ROBO1: variants seen among roughly 807,000 people sequenced by gnomAD.
The protein encoded by ROBO1 is roundabout homolog 1.
A neutral mutation model predicts 195.9 loss-of-function variants in ROBO1; 149 were observed. The observed-to-expected ratio is 0.76, with a 90% confidence interval of 0.67 to 0.87. The LOEUF (loss-of-function observed/expected upper bound fraction) is 0.87, where lower values mean the gene tolerates loss of function less well. ROBO1 is among the 40% of genes least tolerant of loss of function. The probability of loss-of-function intolerance (pLI) is 0.00; values close to 1 mark genes in which losing one functional copy is unlikely to be tolerated. For synonymous variants in ROBO1, 816 were observed against 733.2 expected, an observed-to-expected ratio of 1.11 and a Z score of -1.82; for missense variants, 1,933 against 2,068.3, an observed-to-expected ratio of 0.93 and a Z score of 1.27.
rs72333613 is a variant in ROBO1 at position 78,853,463 on chromosome 3, G to GTT, written c.499+85137_499+85138insAA. On this transcript the variant is annotated intron_variant, in intron 4 of 30. Coordinates refer to ENST00000464233, the MANE Select transcript of ROBO1 (RefSeq NM_002941.4). The stretch of plus-strand genomic sequence containing the variant: ...TTCATATATAGTATGTATGTGTGGG[G>GTT]TGTGTGTGTGTGTATGTATGTATGT... 4.4e-4 allele frequency among the ~76,000 whole-genome samples: 7 copies of GTT among 15,800 alleles called. 1 individual carries two copies. In the East Asian group the frequency reaches 8.2e-3, roughly 18 times the overall value. 10.4% of individuals were successfully genotyped at this position (15,800 alleles called of 152,430 possible). A position where few individuals can be genotyped will look rare whatever the true frequency, so the allele number is the denominator to read the frequency against.
chr3:79,678,128 A>T (rs3923148), intron 1 of ROBO1, among the ~76,000 whole-genome samples: 91,976 of 151,814 alleles, frequency 0.61, 28,057 homozygotes, highest in South Asian at 0.69. Context: ...GATCCTGGTT[A>T]AAAAATCTGG....
chr3:79,244,620 C>T (rs943493131), intron 2 of ROBO1, among the ~76,000 whole-genome samples: 5 of 151,914 alleles, frequency 3.3e-5, no homozygotes, highest in Admixed American at 2.0e-4. Flanking sequence ...CACCCACAGG[C>T]GGTACACCTG....
chr3:79,518,740 G>A (rs1427588805), intron 2 of ROBO1, among the ~76,000 whole-genome samples: 2 of 151,814 alleles, frequency 1.3e-5, no homozygotes, highest in African/African-American at 4.8e-5. Flanking sequence ...GAGTGCAATG[G>A]TGCGATCTCG....
chr3:79,220,424 TAAAC>T (rs1447440822), intron 2 of ROBO1, among the ~76,000 whole-genome samples: 1 of 152,070 alleles, frequency 6.6e-6, no homozygotes, highest in Non-Finnish European at 1.5e-5. Flanking sequence ...GTGTAATAAA[TAAAC>T]AAAAAATCAA....
intron 3 of ROBO1, among the ~76,000 whole-genome samples, chr3:79,121,806 T>A (rs2080121617): frequency 6.6e-6 from 1 of 151,974 alleles, no homozygotes; most frequent in African/African-American, 2.4e-5. Context: ...TTTTTGTTAC[T>A]CAGAAAAAGG....
At chr3:79,537,739 A>T (rs1032304974) in intron 2 of ROBO1, among the ~76,000 whole-genome samples, 1 of 151,244 alleles carries the variant, frequency 6.6e-6, no homozygotes, top group Non-Finnish European at 1.5e-5. Context: ...CTGTTGGGGG[A>T]GTGGGGAGAG....
intron 10 of ROBO1, among the ~76,000 whole-genome samples, chr3:78,673,001 C>T (rs1387058453): frequency 6.6e-6 from 1 of 152,156 alleles, no homozygotes; most frequent in Non-Finnish European, 1.5e-5. Flanking sequence ...CACCAAGTGA[C>T]TACTGAACAT....
intron 3 of ROBO1, among the ~76,000 whole-genome samples, chr3:78,982,681 T>C (rs929008693): frequency 1.3e-5 from 2 of 151,978 alleles, no homozygotes; most frequent in Admixed American, 6.6e-5. Context: ...CAGGCTGGAG[T>C]GTAGTGGCGT....
intron 2 of ROBO1, among the ~76,000 whole-genome samples, chr3:79,571,384 A>T (rs529175300): frequency 5.9e-4 from 90 of 152,250 alleles, no homozygotes; most frequent in African/African-American, 2.0e-3. Context: ...AAATATTGTA[A>T]TTCTTCAATA....
intron 2 of ROBO1, among the ~76,000 whole-genome samples, chr3:79,186,342 C>T (rs565287528): frequency 6.7e-6 from 1 of 149,440 alleles, no homozygotes; most frequent in East Asian, 1.9e-4. Context: ...TATTTATAAA[C>T]ACACGTGTTT....
chr3:79,490,622 C>T (rs1939401217), intron 2 of ROBO1, among the ~76,000 whole-genome samples: 1 of 152,148 alleles, frequency 6.6e-6, no homozygotes, highest in Non-Finnish European at 1.5e-5. Context: ...TCAAGTCTGA[C>T]CATAGGCAAT....
intron 2 of ROBO1, among the ~76,000 whole-genome samples, chr3:79,518,385 T>C (rs947765571): frequency 2.6e-4 from 39 of 152,054 alleles, no homozygotes; most frequent in African/African-American, 8.7e-4. Flanking sequence ...AGAGATGCAA[T>C]GGCACATGCT....
chr3:79,448,201 A>C (rs2039329085), intron 2 of ROBO1, among the ~76,000 whole-genome samples: 1 of 152,210 alleles, frequency 6.6e-6, no homozygotes, highest in Non-Finnish European at 1.5e-5. Flanking sequence ...CAGGACCAGC[A>C]TTTCATATTA....
intron 3 of ROBO1, among the ~76,000 whole-genome samples, chr3:78,950,556 A>G (rs1458275114): frequency 6.6e-6 from 1 of 150,438 alleles, no homozygotes; most frequent in Non-Finnish European, 1.5e-5. Context: ...AGATATACCT[A>G]TTGCTAAATG....
At chr3:78,815,185 C>A (rs2084862192) in intron 4 of ROBO1, among the ~76,000 whole-genome samples, 1 of 152,006 alleles carries the variant, frequency 6.6e-6, no homozygotes, top group Non-Finnish European at 1.5e-5. Flanking sequence ...ACAATGGCCT[C>A]TAAGTGTTCA....
chr3:79,695,546 A>G (rs541083490), intron 1 of ROBO1, among the ~76,000 whole-genome samples: 1 of 151,670 alleles, frequency 6.6e-6, no homozygotes, highest in African/African-American at 2.4e-5. Context: ...GAGCAAAACA[A>G]AACAGAAAAC....
chr3:79,032,204 T>C (rs2078308404), intron 3 of ROBO1, among the ~76,000 whole-genome samples: 1 of 152,028 alleles, frequency 6.6e-6, no homozygotes, highest in Non-Finnish European at 1.5e-5. Context: ...ACGATATGTA[T>C]TGAGCAAATT....
At chr3:78,909,460 A>G (rs906289223) in intron 4 of ROBO1, among the ~76,000 whole-genome samples, 4 of 151,838 alleles carry the variant, frequency 2.6e-5, no homozygotes, top group African/African-American at 9.7e-5. Flanking sequence ...AGTTGCAAAC[A>G]CAAAGGTTAT....
At chr3:78,739,007 G>C (rs2082459796) in intron 5 of ROBO1, among the ~76,000 whole-genome samples, 2 of 152,160 alleles carry the variant, frequency 1.3e-5, no homozygotes, top group African/African-American at 4.8e-5. Flanking sequence ...GCTACTGTAA[G>C]GACAGTAGGA....
Sources: allele counts gnomAD v4.1 joint callset (sites outside exome capture counted in the v4.1 genomes callset), GRCh38; gene constraint gnomAD v4.1.1; transcripts MANE v1.5; gene names NCBI Gene and HGNC (gene_info 2026-07-23, HGNC 2026-07-21).